Variants in KIF1A observed in about 807,000 individuals in gnomAD.
KIF1A encodes kinesin-like protein KIF1A.
A neutral mutation model predicts 227.3 loss-of-function variants in KIF1A; 46 were observed. The ratio of observed to expected loss-of-function variants is 0.20; its 90% CI spans 0.16 to 0.26. KIF1A has a LOEUF of 0.26. Ranked by LOEUF, KIF1A falls within the 10% of genes least tolerant of loss-of-function variation. The pLI is 1.00. For synonymous variants in KIF1A, 1,022 were observed against 1,012.8 expected (o/e 1.01, Z -0.17); for missense variants, 1,683 against 2,485.9 (o/e 0.68, Z 6.87).
At chr2:240,813,018 C>A (rs1202949407) in intron 1 of KIF1A, among the ~76,000 whole-genome samples, 1 of 151,344 alleles carries the variant, frequency 6.6e-6, no homozygotes, top group Non-Finnish European at 1.5e-5. Flanking sequence ...CCTCGGGGAT[C>A]TGCCTTCACC....
chr2:240,786,203 C>T lies in KIF1A; in HGVS notation c.608+132G>A. The T allele has an allele frequency of 5.8e-6, 5 of 864,824 alleles. No homozygotes were observed. In the South Asian group the frequency reaches 6.6e-5, roughly 12 times the overall value. The allele number at this position is 864,824 out of a possible 1,614,324, so 53.6% of individuals were successfully genotyped here. On this transcript the variant is annotated intron_variant, in intron 6 of 48. Coordinates refer to ENST00000498729, the MANE Select transcript of KIF1A (RefSeq NM_001244008.2). Reference sequence around the variant, plus strand: ...GCACAGGCCTAAACGACCTCGGGCTCAGGAGGCCACACCTCCGCGGGGGCA... The same window carrying T: ...GCACAGGCCTAAACGACCTCGGGCTTAGGAGGCCACACCTCCGCGGGGGCA...
chr2:240,759,507 G>A (rs1432424816), intron 25 of KIF1A, among the ~76,000 whole-genome samples: 4 of 152,114 alleles, frequency 2.6e-5, no homozygotes, highest in Non-Finnish European at 5.9e-5. Context: ...CCAAGCCTAA[G>A]CTGTCTCCCT....
intron 29 of KIF1A, 48 bp downstream of exon 29, chr2:240,747,188 T>C (rs764856552): frequency 6.9e-7 from 1 of 1,439,476 alleles, no homozygotes; most frequent in Non-Finnish European, 9.8e-7. Context: ...AGGACTCCAG[T>C]GAGCGCCAGG....
At chr2:240,749,656 T>C (rs1170492637) in intron 28 of KIF1A, among the ~76,000 whole-genome samples, 1 of 152,194 alleles carries the variant, frequency 6.6e-6, no homozygotes, top group African/African-American at 2.4e-5. Context: ...CTCTCACATC[T>C]GTGTTCTCAA....
intron 38 of KIF1A, among the ~76,000 whole-genome samples, chr2:240,728,672 G>A (rs1207124027): frequency 6.6e-6 from 1 of 152,206 alleles, no homozygotes; most frequent in Non-Finnish European, 1.5e-5. Context: ...TGGGCCAGGT[G>A]GATGCCCAGA....
rs940777865 is a variant in KIF1A at position 240,778,343 on chromosome 2, G to A, written c.883-2417C>T. ...AGGCGTTCCTCACCATTCTCCACAC[G>A]CCAGTCCCCACCGTCCCTGACACAC... On this transcript the variant is annotated intron_variant, in intron 10 of 48. Coordinates refer to ENST00000498729, the MANE Select transcript of KIF1A (RefSeq NM_001244008.2). The surrounding 1 kb of genome is among the most constrained non-coding windows in gnomAD (Gnocchi z 7.2). Among the ~76,000 whole-genome samples the A allele has an allele frequency of 1.3e-5, 2 of 151,636 alleles. No homozygotes were observed. Among genetic ancestry groups the A allele is most frequent in the African/African-American group, 2.4e-5 (1 of 41,196 alleles).
chr2:240,769,371 C>T (rs1326923367), intron 16 of KIF1A, among the ~76,000 whole-genome samples, 163 bp from the exon 17 acceptor site: 1 of 152,262 alleles, frequency 6.6e-6, no homozygotes, highest in African/African-American at 2.4e-5. Flanking sequence ...GCTGATGGGA[C>T]TGGCCCCTCT....
chr2:240,719,302 A>C (rs2044973800), intron 46 of KIF1A, 104 bp from the exon 47 acceptor site: 7 of 1,285,726 alleles, frequency 5.4e-6, no homozygotes, highest in Non-Finnish European at 7.4e-6. Flanking sequence ...AGTGCCAACC[A>C]CCTCCCCAGC....
chr2:240,741,147 G>GAACACCCGCTGGAAGA (rs1337316995), intron 35 of KIF1A, 122 bp downstream of exon 35: 10 of 663,526 alleles, frequency 1.5e-5, no homozygotes, highest in Non-Finnish European at 2.6e-5. Flanking sequence ...GGTCTGCAGT[G>GAACACCCGCTGGAAGA]AACACCCGCT....
At chr2:240,743,623 G>A (rs2048253690) in intron 33 of KIF1A, among the ~76,000 whole-genome samples, 2 of 152,104 alleles carry the variant, frequency 1.3e-5, no homozygotes, top group Admixed American at 6.5e-5. Flanking sequence ...TCCTCGGTGG[G>A]CAGCAGAAGT....
At position 240,739,506 on chromosome 2, in the gene KIF1A, G is replaced by A. The variant is rs1467362709; in HGVS notation, c.3901+552C>T. Among the ~76,000 whole-genome samples the A allele has an allele frequency of 6.6e-6, 1 of 152,166 alleles. No homozygotes were observed. Among genetic ancestry groups the A allele is most frequent in the Non-Finnish European group, 1.5e-5 (1 of 68,024 alleles). On this transcript the variant is annotated intron_variant, in intron 37 of 48. Transcript: ENST00000498729. This position sits in a 1 kb window ranked among gnomAD's most constrained non-coding sequence, Gnocchi z 5.6. ...GGCTTTGCAGAGGTGATCAAACTGA[G>A]TAAAGATGCAGTCAACCCTGGAGCA...
At chr2:240,780,804 ACACACACACACACACACACACAGCTC>A (rs1559522428) in intron 10 of KIF1A, among the ~76,000 whole-genome samples, 12 of 84,440 alleles carry the variant, frequency 1.4e-4, no homozygotes, top group African/African-American at 5.0e-4. Flanking sequence ...AGCTCCACAC[ACACACACACACACACACACACAGCTC>A]CACACACACA....
At chr2:240,806,215 G>C (rs1440605337) in intron 1 of KIF1A, among the ~76,000 whole-genome samples, 1 of 152,220 alleles carries the variant, frequency 6.6e-6, no homozygotes, top group Non-Finnish European at 1.5e-5. Context: ...GTCAGAGTTT[G>C]GGTGGGCAGA....
rs1396897922 is a variant in KIF1A at position 240,758,113 on chromosome 2, C to T, written c.2582+247G>A. Among the ~76,000 whole-genome samples the T allele has an allele frequency of 2.6e-5, 4 of 152,324 alleles. No homozygotes were observed. Among genetic ancestry groups the T allele is most frequent in the Non-Finnish European group, 5.9e-5 (4 of 68,026 alleles). ...ACCCATGGGTTCTGGCGGCTACAGC[C>T]CTGCAGTGGGTTTGGGTGGCAGTGC... On this transcript the variant is annotated intron_variant, in intron 26 of 48. Coordinates refer to ENST00000498729, the MANE Select transcript of KIF1A (RefSeq NM_001244008.2). The surrounding 1 kb of genome is among the most constrained non-coding windows in gnomAD (Gnocchi z 5.2).
At chr2:240,796,671 G>C (rs1233704801) in intron 2 of KIF1A, among the ~76,000 whole-genome samples, 2 of 152,136 alleles carry the variant, frequency 1.3e-5, no homozygotes, top group Non-Finnish European at 2.9e-5. Flanking sequence ...AGTTTAGCAG[G>C]GTCTCCCCAG....
At chr2:240,817,164 TAAG>T (rs2058388577) in intron 1 of KIF1A, among the ~76,000 whole-genome samples, 1 of 152,128 alleles carries the variant, frequency 6.6e-6, no homozygotes, top group South Asian at 2.1e-4. Flanking sequence ...GGCCACCACC[TAAG>T]GGGCAGAAGC....
At position 240,717,083 on chromosome 2, in the gene KIF1A, G is replaced by C; in HGVS notation, c.*281C>G. The C allele has an allele frequency of 2.3e-6, 1 of 437,104 alleles. No homozygotes were observed. Among genetic ancestry groups the C allele is most frequent in the Non-Finnish European group, 4.1e-6 (1 of 246,062 alleles). 27.1% of individuals were successfully genotyped at this position (437,104 alleles called of 1,614,324 possible). The stretch of plus-strand genomic sequence containing the variant: ...CTATGCTTAAAAAAATATTAGAACG[G>C]CAGCAAGAACCCCCGTAACCTGTGC... On this transcript the variant is annotated 3_prime_UTR_variant, in exon 49 of 49. Transcript: ENST00000498729.
At position 240,792,026 on chromosome 2, in the gene KIF1A, A is replaced by T. The variant is rs1200246812; in HGVS notation, c.107-2714T>A. 3.2e-5 allele frequency among the ~76,000 whole-genome samples: 4 copies of T among 126,332 alleles called. No homozygotes were observed. Among genetic ancestry groups the T allele is most frequent in the Non-Finnish European group, 6.7e-5 (4 of 60,068 alleles). 82.9% of individuals were successfully genotyped at this position (126,332 alleles called of 152,430 possible). A position where few individuals can be genotyped will look rare whatever the true frequency, so the allele number is the denominator to read the frequency against. The stretch of plus-strand genomic sequence containing the variant: ...AGCCCCACCCCACCCTGGCCCTGCC[A>T]CCCCTCCCACACCCTGTGCTGTGGC... On this transcript the variant is annotated intron_variant, in intron 2 of 48. Coordinates refer to ENST00000498729, the MANE Select transcript of KIF1A (RefSeq NM_001244008.2). This position sits in a 1 kb window ranked among gnomAD's most constrained non-coding sequence, Gnocchi z 4.5.
intron 28 of KIF1A, among the ~76,000 whole-genome samples, chr2:240,749,877 G>A (rs2049016422): frequency 6.6e-6 from 1 of 152,226 alleles, no homozygotes; most frequent in Non-Finnish European, 1.5e-5. Flanking sequence ...GAGAGACCAG[G>A]GAATGCATCA....
Sources: allele counts gnomAD v4.1 joint callset (sites outside exome capture counted in the v4.1 genomes callset), GRCh38; gene constraint gnomAD v4.1.1; non-coding constraint Gnocchi (gnomAD v3.1); transcripts MANE v1.5; gene names NCBI Gene and HGNC (gene_info 2026-07-23, HGNC 2026-07-21).